The following CCDC150 variants were observed in gnomAD, a reference collection of about 807,000 sequenced individuals.
The protein encoded by CCDC150 is coiled-coil domain-containing protein 150.
A neutral mutation model predicts 156.5 loss-of-function variants in CCDC150; 151 were observed. That is an observed-to-expected ratio of 0.97 (90% CI 0.85 to 1.10). The LOEUF (loss-of-function observed/expected upper bound fraction) is 1.10, where lower values mean the gene tolerates loss of function less well. Ranked by LOEUF, CCDC150 falls within the 50% of genes least tolerant of loss-of-function variation. CCDC150 has a pLI of 0.00. For synonymous variants in CCDC150, 452 were observed against 429.4 expected (o/e 1.05, Z -0.65); for missense variants, 1,312 against 1,268.1 (o/e 1.03, Z -0.53).
intron 18 of CCDC150, 137 bp from the exon 19 acceptor site, chr2:196,719,360 C>A: frequency 1.7e-6 from 1 of 596,870 alleles, no homozygotes; most frequent in Non-Finnish European, 2.7e-6. Context: ...ATAAAATATA[C>A]TTTAATTATT....
rs373586535 is a variant in CCDC150, at chr2:196,730,137, T to C, written c.2982+19T>C. 45 of 1,578,218 alleles carry C rather than the reference T, an allele frequency of 2.9e-5. No homozygotes were observed. The African/African-American group carries it at 5.8e-4, about 21-fold the overall frequency. ...GTGCCAGGTAAAAGGTTTCCTAAGATTCATCTTAAAGATGGTCAGCAAATG... is the reference window on the plus strand; with the variant it reads ...GTGCCAGGTAAAAGGTTTCCTAAGACTCATCTTAAAGATGGTCAGCAAATG... On this transcript the variant is annotated intron_variant, in intron 25 of 27. Transcript: ENST00000389175.
chr2:196,682,275 T>C (rs959020342), intron 13 of CCDC150, among the ~76,000 whole-genome samples: 2 of 152,242 alleles, frequency 1.3e-5, no homozygotes, highest in African/African-American at 4.8e-5. Context: ...CATAGATATG[T>C]AAGTTTATTT....
intron 15 of CCDC150, among the ~76,000 whole-genome samples, chr2:196,709,817 G>T (rs1696964570): frequency 1.3e-5 from 2 of 152,180 alleles, no homozygotes; most frequent in African/African-American, 2.4e-5. Flanking sequence ...GACCCTGTTT[G>T]CCTGGGTATC....
At chr2:196,713,171 G>C (rs567019774) in intron 17 of CCDC150, 3 of 938,634 alleles carry the variant, frequency 3.2e-6, no homozygotes, top group South Asian at 5.7e-5. Flanking sequence ...CATAAGGTCT[G>C]TTTCTTTGCT....
chr2:196,663,144 C>T (rs961829432), intron 5 of CCDC150, among the ~76,000 whole-genome samples: 39 of 151,400 alleles, frequency 2.6e-4, no homozygotes, highest in East Asian at 1.9e-4. Flanking sequence ...GAGGCTGAGG[C>T]GGGAGGATCA....
chr2:196,730,998 C>A (rs1698487124), intron 26 of CCDC150, 53 bp downstream of exon 26: 5 of 1,357,710 alleles, frequency 3.7e-6, no homozygotes, highest in Non-Finnish European at 4.1e-6. Context: ...AACACAGCAA[C>A]CCTGAAGCAA....
chr2:196,647,802 G>A (rs571548503), intron 2 of CCDC150, among the ~76,000 whole-genome samples: 11 of 152,128 alleles, frequency 7.2e-5, no homozygotes, highest in East Asian at 3.9e-4. Flanking sequence ...TATACAATAC[G>A]TTATTATTAA....
intron 21 of CCDC150, among the ~76,000 whole-genome samples, chr2:196,722,836 A>C (rs1697998744): frequency 6.6e-6 from 1 of 152,188 alleles, no homozygotes; most frequent in Non-Finnish European, 1.5e-5. Context: ...GTGACTATAA[A>C]ATGTAGTCCC....
rs141948462 is a variant in CCDC150, at chr2:196,650,543, G to A, written c.176+4039G>A. ...TGAGGATCTGGGATTACAGGCAAGT[G>A]CCACCACGCCTGGCTAATTTTTGTA... On this transcript the variant is annotated intron_variant, in intron 2 of 27. Coordinates refer to ENST00000389175, the MANE Select transcript of CCDC150 (RefSeq NM_001080539.2). Among the ~76,000 whole-genome samples, 732 of 152,254 alleles carry A rather than the reference G, an allele frequency of 4.8e-3. 2 individuals carry two copies. Among genetic ancestry groups the A allele is most frequent in the Middle Eastern group, 0.014 (4 of 294 alleles).
chr2:196,649,334 TTAG>T (rs1692739729), intron 2 of CCDC150, among the ~76,000 whole-genome samples: 1 of 152,198 alleles, frequency 6.6e-6, no homozygotes, highest in African/African-American at 2.4e-5. Context: ...AGAGTGTATA[TTAG>T]TGGTGGTCCC....
intron 13 of CCDC150, 89 bp from the exon 14 acceptor site, chr2:196,694,957 T>C (rs1237462677): frequency 2.9e-6 from 2 of 680,974 alleles, no homozygotes; most frequent in Non-Finnish European, 2.5e-6. Flanking sequence ...TACTGTCCAT[T>C]TTACAGTTGT....
rs368403513 is a variant in CCDC150 at position 196,676,142 on chromosome 2, G to T, written c.1138-1G>T. Reference sequence around the variant, plus strand: ...CTTCTAATATTGCTTTTAACACTCAGGTAGAGCAGAAAATGATGACGCAGA... The same window carrying T: ...CTTCTAATATTGCTTTTAACACTCATGTAGAGCAGAAAATGATGACGCAGA... On this transcript the variant is annotated splice_acceptor_variant, in intron 10 of 27. Coordinates refer to ENST00000389175, the MANE Select transcript of CCDC150 (RefSeq NM_001080539.2). LOFTEE classifies it high-confidence loss of function. 1.1e-5 allele frequency: 18 copies of T among 1,613,306 alleles called. No homozygotes were observed. The African/African-American group carries it at 2.3e-4, about 20-fold the overall frequency.
intron 15 of CCDC150, among the ~76,000 whole-genome samples, chr2:196,703,496 G>A (rs1030989223): frequency 2.0e-5 from 3 of 152,076 alleles, no homozygotes; most frequent in African/African-American, 7.2e-5. Flanking sequence ...AAAATGATGA[G>A]GATAAGCACA....
chr2:196,679,173 T>C (rs1295040879), intron 13 of CCDC150, among the ~76,000 whole-genome samples: 2 of 152,240 alleles, frequency 1.3e-5, no homozygotes, highest in African/African-American at 2.4e-5. Context: ...TTAATTGTTA[T>C]AATTTACATA....
In CCDC150 at chr2:196,732,082, A is replaced by G; in HGVS notation, c.3119A>G (p.Asp1040Gly). Residue 1040 changes from aspartate (D) to glycine (G), a missense_variant, in exon 27 of 28, where the codon GAT (aspartate) becomes GGT (glycine). Asp to Gly is a moderately conservative substitution (Grantham distance 94, BLOSUM62 -1). Coordinates refer to ENST00000389175, the MANE Select transcript of CCDC150 (RefSeq NM_001080539.2). ...CATCGCTGGTTTAAGCACAGGTTTG[A>G]TGGTCTACAACTTGAGCTGACAAAA... ...EAHRWFKHRF[D>G]GLQLELTKNR... 6.2e-7 allele frequency: 1 copy of G among 1,613,816 alleles called. No homozygotes were observed. The highest frequency in any genetic ancestry group is 1.1e-5 in the South Asian group (1 of 91,082).
In CCDC150 at chr2:196,658,724, A is replaced by G. The variant is rs1356887671; in HGVS notation, c.577-68A>G. On this transcript the variant is annotated intron_variant, in intron 4 of 27. Coordinates refer to ENST00000389175, the MANE Select transcript of CCDC150 (RefSeq NM_001080539.2). ...CCAGAAAAAAACCTGATTTGATCTG[A>G]TATACCTATAGACAATTTCTTCCTG... 1.6e-5 allele frequency: 19 copies of G among 1,162,708 alleles called. No homozygotes were observed. In the Middle Eastern group the frequency reaches 8.8e-4, roughly 54 times the overall value. 72.0% of individuals were successfully genotyped at this position (1,162,708 alleles called of 1,614,324 possible). A position where few individuals can be genotyped will look rare whatever the true frequency, so the allele number is the denominator to read the frequency against.
chr2:196,639,779 G>C lies in CCDC150; in HGVS notation c.12+1G>C, dbSNP rs954118975. 2 of 1,580,182 alleles carry C rather than the reference G, an allele frequency of 1.3e-6. No individual in the cohort carries two copies. Among genetic ancestry groups the C allele is most frequent in the East Asian group, 2.3e-5 (1 of 43,272 alleles). On this transcript the variant is annotated splice_donor_variant, in intron 1 of 27. Transcript: ENST00000389175. LOFTEE classifies it high-confidence loss of function. The stretch of plus-strand genomic sequence containing the variant: ...CTCAGGCGGACAGATGGACTGTAAG[G>C]TGAGGCTGCCGGGCCCCGGGCTGGT...
intron 1 of CCDC150, among the ~76,000 whole-genome samples, chr2:196,642,116 G>T (rs759521964): frequency 3.3e-5 from 5 of 152,164 alleles, no homozygotes; most frequent in Admixed American, 6.5e-5. Flanking sequence ...AAAAATAAAA[G>T]TTTATATCTC....
chr2:196,714,493 C>T (rs1697362135), intron 17 of CCDC150, among the ~76,000 whole-genome samples: 1 of 151,668 alleles, frequency 6.6e-6, no homozygotes, highest in Non-Finnish European at 1.5e-5. Flanking sequence ...GCCTTTGATC[C>T]TTTGCTACTT....
Sources: allele counts gnomAD v4.1 joint callset (sites outside exome capture counted in the v4.1 genomes callset), GRCh38; gene constraint gnomAD v4.1.1; transcripts MANE v1.5; gene names NCBI Gene and HGNC (gene_info 2026-07-23, HGNC 2026-07-21).